Variants in BTBD9 observed in about 807,000 individuals in gnomAD.
BTBD9 encodes BTB domain containing 9.
BTBD9 carries 49 observed loss-of-function variants against 64.3 expected under a neutral mutation model. The ratio of observed to expected loss-of-function variants is 0.76; its 90% CI spans 0.61 to 0.97. BTBD9 has a LOEUF of 0.97. BTBD9 is among the 50% of genes least tolerant of loss of function. The probability of loss-of-function intolerance (pLI) is 0.00; values close to 1 mark genes in which losing one functional copy is unlikely to be tolerated. For missense variants in BTBD9, 598 were observed against 762.1 expected, an observed-to-expected ratio of 0.78 and a Z score of 2.53; for synonymous variants, 260 against 274.7, an observed-to-expected ratio of 0.95 and a Z score of 0.53.
At position 38,238,470 on chromosome 6, in the gene BTBD9, G is replaced by GTTTTT. The variant is rs34641170; in HGVS notation, c.1562+17934_1562+17938dup. On this transcript the variant is annotated intron_variant, in intron 9 of 10. Coordinates refer to ENST00000481247, the MANE Select transcript of BTBD9 (RefSeq NM_001099272.2). ...ACAGTAAGCTGTTGCGGAGACCAAG[G>GTTTTT]TTTTTTGTTTTTTTTTTTTTGAGAC... Among the ~76,000 whole-genome samples the GTTTTT allele has an allele frequency of 6.9e-3, 877 of 127,904 alleles. 56 individuals carry two copies. Among genetic ancestry groups the GTTTTT allele is most frequent in the African/African-American group, 0.012 (392 of 32,402 alleles). The allele number at this position is 127,904 out of a possible 152,430, so 83.9% of individuals were successfully genotyped here. A position where few individuals can be genotyped will look rare whatever the true frequency, so the allele number is the denominator to read the frequency against.
At chr6:38,618,526 C>T (rs961110272) in intron 1 of BTBD9, among the ~76,000 whole-genome samples, 1 of 152,172 alleles carries the variant, frequency 6.6e-6, no homozygotes, top group East Asian at 1.9e-4. Flanking sequence ...TCTAATCTCC[C>T]CCACCCAGAA....
Position 38,432,085 on chromosome 6 carries a change from T to G in BTBD9, c.1155-86992A>C, listed in dbSNP as rs556119008. 2.6e-5 allele frequency among the ~76,000 whole-genome samples: 4 copies of G among 152,092 alleles called. No individual in the cohort carries two copies. The East Asian group carries it at 7.7e-4, about 29-fold the overall frequency. ...AATTCTTCCTCTCACGGGACTGGAT[T>G]AGCTACCTCAAGAGTAGGTTGTTTT... On this transcript the variant is annotated intron_variant, in intron 6 of 10. Coordinates refer to ENST00000481247, the MANE Select transcript of BTBD9 (RefSeq NM_001099272.2).
chr6:38,611,272 G>C (rs1453222658), intron 1 of BTBD9, among the ~76,000 whole-genome samples: 1 of 152,110 alleles, frequency 6.6e-6, no homozygotes, highest in Non-Finnish European at 1.5e-5. Context: ...TGGGAATGTA[G>C]GAAGATAGGG....
intron 7 of BTBD9, among the ~76,000 whole-genome samples, chr6:38,310,148 G>C (rs528570416): frequency 6.6e-6 from 1 of 152,316 alleles, no homozygotes; most frequent in African/African-American, 2.4e-5. Context: ...AGGGGGAAAA[G>C]TGAGTACGAA....
chr6:38,458,052 C>T (rs374809668), intron 6 of BTBD9, among the ~76,000 whole-genome samples: 29 of 152,228 alleles, frequency 1.9e-4, no homozygotes, highest in South Asian at 6.2e-4. Flanking sequence ...GCAAGCTTTA[C>T]GCGCCAGATT....
rs545773411 is a variant in BTBD9 at position 38,310,704 on chromosome 6, C to T, written c.1265-22243G>A. Among the ~76,000 whole-genome samples, 21 of 150,842 alleles carry T rather than the reference C, an allele frequency of 1.4e-4. No individual in the cohort carries two copies. In the East Asian group the frequency reaches 3.8e-3, roughly 28 times the overall value. ...TACATAGTAAGCATATATATATTTA[C>T]GGGGTATACGAAATATTTTGGTACA... On this transcript the variant is annotated intron_variant, in intron 7 of 10. Transcript: ENST00000481247.
chr6:38,186,742 T>C (rs1444643275), intron 10 of BTBD9, among the ~76,000 whole-genome samples: 2 of 152,226 alleles, frequency 1.3e-5, no homozygotes, highest in Non-Finnish European at 2.9e-5. Flanking sequence ...CTAAAGCCTG[T>C]CAATACCATC....
intron 6 of BTBD9, among the ~76,000 whole-genome samples, chr6:38,358,429 G>T (rs556578003): frequency 6.6e-6 from 1 of 152,154 alleles, no homozygotes; most frequent in African/African-American, 2.4e-5. Flanking sequence ...GCAGAGCTAC[G>T]GGAATAGAGT....
intron 6 of BTBD9, among the ~76,000 whole-genome samples, chr6:38,381,151 T>TG (rs1765916749): frequency 6.6e-6 from 1 of 152,110 alleles, no homozygotes; most frequent in Non-Finnish European, 1.5e-5. Flanking sequence ...ACATAATTAA[T>TG]GTACATGGAC....
chr6:38,291,055 A>G (rs1761937607), intron 7 of BTBD9, among the ~76,000 whole-genome samples: 1 of 152,196 alleles, frequency 6.6e-6, no homozygotes, highest in South Asian at 2.1e-4. Context: ...ATTCCCAGGT[A>G]AGAGTTTCTT....
chr6:38,199,047 G>A (rs1195030589), intron 9 of BTBD9, among the ~76,000 whole-genome samples: 1 of 152,108 alleles, frequency 6.6e-6, no homozygotes, highest in Non-Finnish European at 1.5e-5. Flanking sequence ...AAAGGAGCAG[G>A]TGCACTCCTC....
intron 7 of BTBD9, among the ~76,000 whole-genome samples, chr6:38,321,827 A>G (rs955793767): frequency 1.3e-5 from 2 of 150,266 alleles, no homozygotes; most frequent in Admixed American, 1.3e-4. Context: ...TTTTATACAC[A>G]CACACACACA....
chr6:38,171,499 TCTAA>T lies in BTBD9; in HGVS notation c.*3482_*3485del, dbSNP rs1355448219. On this transcript the variant is annotated 3_prime_UTR_variant, in exon 11 of 11. Transcript: ENST00000481247. ...TCCCACATCCATCATGGCTTGTGCT[TCTAA>T]CTAAAATCAAAGGAATGAAAGCAGA... The T allele has an allele frequency of 2.6e-5, 4 of 151,266 alleles. No homozygotes were observed. The East Asian group carries it at 7.8e-4, about 29-fold the overall frequency. 9.4% of individuals were successfully genotyped at this position (151,266 alleles called of 1,614,324 possible). A position where few individuals can be genotyped will look rare whatever the true frequency, so the allele number is the denominator to read the frequency against.
At chr6:38,543,014 C>G (rs1774357587) in intron 6 of BTBD9, among the ~76,000 whole-genome samples, 1 of 152,192 alleles carries the variant, frequency 6.6e-6, no homozygotes, top group African/African-American at 2.4e-5. Flanking sequence ...AAATAAAAAT[C>G]TAAACTCTTA....
intron 6 of BTBD9, among the ~76,000 whole-genome samples, chr6:38,490,503 T>C (rs929282414): frequency 1.3e-5 from 2 of 152,024 alleles, no homozygotes; most frequent in Admixed American, 6.5e-5. Flanking sequence ...GTATTTTTAG[T>C]AGAGACCAGG....
intron 9 of BTBD9, among the ~76,000 whole-genome samples, chr6:38,242,144 T>G (rs1326698270): frequency 6.6e-6 from 1 of 152,186 alleles, no homozygotes; most frequent in African/African-American, 2.4e-5. Flanking sequence ...GGAAGGTGGA[T>G]AGTTGACTTG....
intron 4 of BTBD9, chr6:38,588,410 C>A: frequency 1.2e-6 from 1 of 823,246 alleles, no homozygotes; most frequent in Admixed American, 1.8e-5. Flanking sequence ...GCCTATAGAC[C>A]AAGATCAAGT....
chr6:38,219,174 T>G (rs2127505906), intron 9 of BTBD9, among the ~76,000 whole-genome samples: 1 of 142,914 alleles, frequency 7.0e-6, no homozygotes, highest in East Asian at 2.0e-4. Context: ...CTTGCTCTGT[T>G]GCCAGGCTGG....
intron 6 of BTBD9, among the ~76,000 whole-genome samples, chr6:38,511,907 G>C (rs1011253786): frequency 1.3e-5 from 2 of 152,120 alleles, no homozygotes; most frequent in Admixed American, 6.5e-5. Flanking sequence ...AATGGTCTAG[G>C]ACCCTCTTGA....
Sources: gnomAD v4.1 joint callset for allele counts (sites outside exome capture counted in the v4.1 genomes callset) on GRCh38, gnomAD v4.1.1 for gene constraint, MANE v1.5 for transcripts, NCBI Gene and HGNC (gene_info 2026-07-23, HGNC 2026-07-21) for gene names.